Variants in TERT observed in about 807,000 individuals in gnomAD.
TERT encodes the protein telomerase reverse transcriptase.
TERT carries 42 observed loss-of-function variants against 104.0 expected under a neutral mutation model. The observed-to-expected ratio is 0.40, with a 90% CI of 0.32 to 0.52. The LOEUF is 0.52. Among genes scored for constraint, TERT ranks in the 20% least tolerant of loss-of-function variants. TERT has a pLI of 0.43. For missense variants in TERT, 1,101 were observed against 1,610.3 expected (o/e 0.68, Z 5.41); for synonymous variants, 781 against 725.6 (o/e 1.08, Z -1.23).
chr5:1,293,204 C>T, intron 2 of TERT, 109 bp downstream of exon 2: 1 of 1,374,882 alleles, frequency 7.3e-7, no homozygotes. Context: ...CCACGTGTGC[C>T]CACGTGACGA....
Position 1,253,418 on chromosome 5 carries a change from T to G in TERT, c.*310A>C. The G allele has an allele frequency of 7.7e-6, 4 of 517,774 alleles. No homozygotes were observed. Among genetic ancestry groups the G allele is most frequent in the Non-Finnish European group, 1.1e-5 (3 of 284,266 alleles). 32.1% of individuals were successfully genotyped at this position (517,774 alleles called of 1,614,324 possible). ...CGAATCTGGGGATGGACTATTCCTA[T>G]GTGGGGAGTGGAAGCCGGGCTCCTG... On this transcript the variant is annotated 3_prime_UTR_variant, in exon 16 of 16. Coordinates refer to ENST00000310581, the MANE Select transcript of TERT (RefSeq NM_198253.3).
At position 1,278,753 on chromosome 5, in the gene TERT, A is replaced by G; in HGVS notation, c.2174T>C (p.Leu725Pro). Residue 725 changes from leucine to proline, a missense_variant, in exon 6 of 16, where the codon CTC (leucine) becomes CCC (proline). Transcript: ENST00000310581. ...GAYDTIPQDR[L>P]TEVIASIIKP... Reference sequence around the variant, plus strand: ...GATGATGCTGGCGATGACCTCCGTGAGCCTGTCCTGGGGGATGGTGTCGTA... The same window carrying G: ...GATGATGCTGGCGATGACCTCCGTGGGCCTGTCCTGGGGGATGGTGTCGTA... 1 of 1,614,124 alleles carries G rather than the reference A, an allele frequency of 6.2e-7. No homozygotes were observed. Among genetic ancestry groups the G allele is most frequent in the Non-Finnish European group, 8.5e-7 (1 of 1,180,040 alleles).
intron 11 of TERT, among the ~76,000 whole-genome samples, chr5:1,260,891 A>G (rs551745313): frequency 6.6e-6 from 1 of 152,336 alleles, no homozygotes; most frequent in East Asian, 1.9e-4. Flanking sequence ...AGATCTGCAC[A>G]TAACTCAGCC....
intron 12 of TERT, among the ~76,000 whole-genome samples, chr5:1,260,140 T>TACATGTTATGTGCAC (rs1205678461): frequency 7.9e-5 from 12 of 152,144 alleles, no homozygotes; most frequent in African/African-American, 2.9e-4. Context: ...GACCCCTCAA[T>TACATGTTATGTGCAC]ACATGTTATG....
intron 3 of TERT, among the ~76,000 whole-genome samples, chr5:1,280,599 C>G (rs1397035617): frequency 6.6e-6 from 1 of 152,208 alleles, no homozygotes; most frequent in Non-Finnish European, 1.5e-5. Context: ...CCCAGGGTGA[C>G]TGTCCCACCA....
chr5:1,255,202 CT>C lies in TERT; in HGVS notation c.3157+84del. On this transcript the variant is annotated intron_variant, in intron 14 of 15. Coordinates refer to ENST00000310581, the MANE Select transcript of TERT (RefSeq NM_198253.3). This position sits in a 1 kb window ranked among gnomAD's most constrained non-coding sequence, Gnocchi z 6.9. ...TGATGCGAAAAGGGGTAAGAACTTC[CT>C]AAGCCCAGATTCACTCAGTCTCCTG... The C allele has an allele frequency of 6.4e-7, 1 of 1,556,788 alleles. No individual in the cohort carries two copies. Among genetic ancestry groups the C allele is most frequent in the South Asian group, 1.2e-5 (1 of 86,090 alleles).
intron 2 of TERT, chr5:1,283,016 A>C: frequency 2.9e-6 from 1 of 347,606 alleles, no homozygotes; most frequent in Non-Finnish European, 5.5e-6. Context: ...CGTACACTGC[A>C]CATCCAGCTC....
rs1388588345 is a variant in TERT, at chr5:1,288,729, A to G, written c.1573+4584T>C. Among the ~76,000 whole-genome samples the G allele has an allele frequency of 6.6e-6, 1 of 152,180 alleles. No homozygotes were observed. The highest frequency in any genetic ancestry group is 1.5e-5 in the Non-Finnish European group (1 of 68,026). On this transcript the variant is annotated intron_variant, in intron 2 of 15. Coordinates refer to ENST00000310581, the MANE Select transcript of TERT (RefSeq NM_198253.3). This position sits in a 1 kb window ranked among gnomAD's most constrained non-coding sequence, Gnocchi z 5.3. ...TCCAGCAACACGTGGCAGCAGACAC[A>G]GGCAGCCCAGAGTCCAGCCTCGGCA... is the stretch of plus-strand genomic sequence containing the variant.
chr5:1,266,400 G>A, intron 10 of TERT, 64 bp downstream of exon 10: 1 of 1,395,830 alleles, frequency 7.2e-7, no homozygotes, highest in Admixed American at 1.9e-5. Flanking sequence ...GCAGGACACG[G>A]GGGGCTCAAC....
intron 9 of TERT, among the ~76,000 whole-genome samples, chr5:1,267,855 G>A (rs1748727123): frequency 6.6e-6 from 1 of 152,068 alleles, no homozygotes; most frequent in South Asian, 2.1e-4. Flanking sequence ...GAGTGGGGAG[G>A]GATAGCATTA....
At chr5:1,279,164 A>G (rs754901061) in intron 5 of TERT, 127 bp downstream of exon 5, 13 of 1,113,482 alleles carry the variant, frequency 1.2e-5, no homozygotes, top group Non-Finnish European at 1.7e-5. Flanking sequence ...TGTCCTCAAC[A>G]GTGACAGGGT....
chr5:1,289,883 G>A (rs1250991050), intron 2 of TERT, among the ~76,000 whole-genome samples: 1 of 71,474 alleles, frequency 1.4e-5, no homozygotes. Context: ...CCCGGGGGCC[G>A]CGCCTCACTC....
chr5:1,278,595 C>T, intron 6 of TERT, 46 bp downstream of exon 6: 1 of 1,613,430 alleles, frequency 6.2e-7, no homozygotes, highest in Non-Finnish European at 8.5e-7. Flanking sequence ...ACATTCATAT[C>T]CCAGAGACAC....
chr5:1,280,345 T>C lies in TERT; in HGVS notation c.1770-7A>G, dbSNP rs373713123. ...CACCCTCTTCAAGTGCTGTCTGCAATAGAGAGCCCCTCAGGAGGCTTGCTC... is the reference window on the plus strand; with the variant it reads ...CACCCTCTTCAAGTGCTGTCTGCAACAGAGAGCCCCTCAGGAGGCTTGCTC... On this transcript the variant is annotated splice_region_variant and splice_polypyrimidine_tract_variant and intron_variant, in intron 3 of 15. Coordinates refer to ENST00000310581, the MANE Select transcript of TERT (RefSeq NM_198253.3). 47 of 1,612,072 alleles carry C rather than the reference T, an allele frequency of 2.9e-5. 1 individual carries two copies. The African/African-American group carries it at 4.9e-4, about 17-fold the overall frequency.
intron 6 of TERT, among the ~76,000 whole-genome samples, chr5:1,272,957 C>CCA (rs370393116): frequency 0.32 from 18 of 56 alleles, 9 homozygotes; most frequent in Non-Finnish European, 0.37. Flanking sequence ...CGATCGCCAT[C>CCA]CAGTCACCAC....
intron 3 of TERT, among the ~76,000 whole-genome samples, chr5:1,281,130 T>C (rs556950991): frequency 7.2e-5 from 11 of 152,158 alleles, no homozygotes; most frequent in Admixed American, 1.3e-4. Context: ...TGTCTGCTCC[T>C]TCCGGTCACC....
rs150829248 is a variant in TERT, at chr5:1,268,299, G to A, written c.2582+221C>T. 2.4e-4 allele frequency among the ~76,000 whole-genome samples: 36 copies of A among 152,368 alleles called. No homozygotes were observed. In the East Asian group the frequency reaches 6.9e-3, roughly 29 times the overall value. ...GCCCTCCCGCCTGCTGAGCCCTGAG[G>A]CCTCTGGACATGGCCGCTGGACAGA... On this transcript the variant is annotated intron_variant, in intron 9 of 15. Transcript: ENST00000310581. The surrounding 1 kb of genome is among the most constrained non-coding windows in gnomAD (Gnocchi z 5.5).
At chr5:1,279,104 C>A (rs1749822475) in intron 5 of TERT, among the ~76,000 whole-genome samples, 187 bp downstream of exon 5, 1 of 152,182 alleles carries the variant, frequency 6.6e-6, no homozygotes, top group Non-Finnish European at 1.5e-5. Context: ...GCACAGTCGG[C>A]CCCATGTGCT....
intron 2 of TERT, among the ~76,000 whole-genome samples, chr5:1,284,615 G>A (rs1196099583): frequency 3.8e-5 from 5 of 130,492 alleles, no homozygotes; most frequent in African/African-American, 8.7e-5. Flanking sequence ...CCAGCTCACC[G>A]AGGGCCTGGC....
Sources: allele counts gnomAD v4.1 joint callset (sites outside exome capture counted in the v4.1 genomes callset), GRCh38; gene constraint gnomAD v4.1.1; non-coding constraint Gnocchi (gnomAD v3.1); transcripts MANE v1.5; gene names NCBI Gene and HGNC (gene_info 2026-07-23, HGNC 2026-07-21).